Variants in SNX27 observed in about 807,000 individuals in gnomAD.
SNX27 encodes the protein sorting nexin 27, also known as sorting nexin-27.
SNX27 carries 22 observed loss-of-function variants against 71.6 expected under a neutral mutation model. The observed-to-expected ratio is 0.31, with a 90% CI of 0.22 to 0.44. SNX27 has a LOEUF of 0.44. Ranked by LOEUF, SNX27 falls within the 20% of genes least tolerant of loss-of-function variation. SNX27 has a pLI of 1.00. For synonymous variants in SNX27, 269 were observed against 277.2 expected (o/e 0.97, Z 0.29); for missense variants, 531 against 698.6 (o/e 0.76, Z 2.70).
At chr1:151,675,600 T>C (rs906790862) in intron 7 of SNX27, among the ~76,000 whole-genome samples, 3 of 151,820 alleles carry the variant, frequency 2.0e-5, no homozygotes, top group African/African-American at 4.8e-5. Context: ...TTGCTGGGGC[T>C]GGCCTGGGAC....
chr1:151,653,657 A>C (rs1001916010), intron 2 of SNX27, among the ~76,000 whole-genome samples: 7 of 151,908 alleles, frequency 4.6e-5, no homozygotes, highest in African/African-American at 1.7e-4. Flanking sequence ...AGCTGGGACC[A>C]CAAGCACACG....
At chr1:151,626,724 TAAATG>T (rs1260019105) in intron 1 of SNX27, among the ~76,000 whole-genome samples, 1 of 145,822 alleles carries the variant, frequency 6.9e-6, no homozygotes, top group Non-Finnish European at 1.5e-5. Context: ...AATAAATAAA[TAAATG>T]TAAAATGAAG....
chr1:151,646,601 A>G (rs1412958813), intron 2 of SNX27, among the ~76,000 whole-genome samples: 1 of 148,708 alleles, frequency 6.7e-6, no homozygotes, highest in Non-Finnish European at 1.5e-5. Context: ...GTATAGACAT[A>G]ATATATAGTA....
At chr1:151,628,119 G>A (rs1278979011) in intron 1 of SNX27, among the ~76,000 whole-genome samples, 1 of 151,108 alleles carries the variant, frequency 6.6e-6, no homozygotes, top group East Asian at 2.0e-4. Context: ...CGATTCTCCT[G>A]CCGCAGCCTC....
At chr1:151,622,256 T>G (rs945048216) in intron 1 of SNX27, among the ~76,000 whole-genome samples, 1 of 152,202 alleles carries the variant, frequency 6.6e-6, no homozygotes, top group African/African-American at 2.4e-5. Context: ...TGAAGGTATT[T>G]CAGCTGTTTT....
Position 151,694,551 on chromosome 1 carries a change from A to C in SNX27, c.*134A>C. 1.2e-6 allele frequency: 1 copy of C among 809,496 alleles called. No homozygotes were observed. The highest frequency in any genetic ancestry group is 1.8e-6 in the Non-Finnish European group (1 of 545,386). The allele number at this position is 809,496 out of a possible 1,614,324, so 50.1% of individuals were successfully genotyped here. Reference sequence around the variant, plus strand: ...GTTATATTCAAAAGCCCTAAACTAAATATTATTAATAACCCCCTCTGAATT... The same window carrying C: ...GTTATATTCAAAAGCCCTAAACTAACTATTATTAATAACCCCCTCTGAATT... On this transcript the variant is annotated 3_prime_UTR_variant, in exon 12 of 12. Transcript: ENST00000458013.
rs936097380 is a variant in SNX27, at chr1:151,699,053, T to C, written c.*4636T>C. ...GTGTAATTAATTGTAACATATTCTT[T>C]TAAATAAATTGATTTATTGATCAAA... is the stretch of plus-strand genomic sequence containing the variant. On this transcript the variant is annotated 3_prime_UTR_variant, in exon 12 of 12. Coordinates refer to ENST00000458013, the MANE Select transcript of SNX27 (RefSeq NM_001330723.2). The C allele has an allele frequency of 2.0e-5, 3 of 152,674 alleles. No homozygotes were observed. Among genetic ancestry groups the C allele is most frequent in the Admixed American group, 2.0e-4 (3 of 15,284 alleles). The allele number at this position is 152,674 out of a possible 1,614,324, so 9.5% of individuals were successfully genotyped here.
At position 151,658,254 on chromosome 1, in the gene SNX27, C is replaced by T; in HGVS notation, c.563C>T (p.Ala188Val). ...EKFVVYNVYMAGRQLCSKRYR... is the reference protein window; with the variant it reads ...EKFVVYNVYMVGRQLCSKRYR... Reference sequence around the variant, plus strand: ...CACCAGGTATATAATGTTTACATGGCAGGGAGGCAGCTGTGTTCTAAGCGG... The same window carrying T: ...CACCAGGTATATAATGTTTACATGGTAGGGAGGCAGCTGTGTTCTAAGCGG... Residue 188 changes from alanine to valine, a missense_variant, in exon 3 of 12, where the codon GCA (alanine) becomes GTA (valine). Physicochemically the swap from Ala to Val is moderately conservative, Grantham distance 64. Coordinates refer to ENST00000458013, the MANE Select transcript of SNX27 (RefSeq NM_001330723.2). 2.5e-6 allele frequency: 4 copies of T among 1,610,350 alleles called. No individual in the cohort carries two copies. Among genetic ancestry groups the T allele is most frequent in the Non-Finnish European group, 3.4e-6 (4 of 1,178,672 alleles).
At chr1:151,694,205 T>G in intron 11 of SNX27, 165 bp from the exon 12 acceptor site, 1 of 1,381,732 alleles carries the variant, frequency 7.2e-7, no homozygotes, top group Non-Finnish European at 9.3e-7. Flanking sequence ...CAAGGTCCCT[T>G]CCGGCTCTAA....
intron 9 of SNX27, 50 bp downstream of exon 9, chr1:151,692,634 T>G (rs538192958): frequency 4.7e-5 from 74 of 1,583,652 alleles, no homozygotes; most frequent in Non-Finnish European, 6.2e-5. Flanking sequence ...GATACTTTGA[T>G]GCTCACTTGC....
rs1667230567 is a variant in SNX27, at chr1:151,612,608, C to G, written c.311+96C>G. 7 of 995,780 alleles carry G rather than the reference C, an allele frequency of 7.0e-6. No homozygotes were observed. The highest frequency in any genetic ancestry group is 7.9e-6 in the Non-Finnish European group (6 of 763,630). 61.7% of individuals were successfully genotyped at this position (995,780 alleles called of 1,614,324 possible). On this transcript the variant is annotated intron_variant, in intron 1 of 11. Transcript: ENST00000458013. This position sits in a 1 kb window ranked among gnomAD's most constrained non-coding sequence, Gnocchi z 5.2. ...TGTCACCCCCAGGCCGCACCTCCCC[C>G]GAGCTCCGAGCCGGCCTCCGGACCC...
chr1:151,644,158 C>G (rs758615592), intron 2 of SNX27, among the ~76,000 whole-genome samples: 1 of 152,232 alleles, frequency 6.6e-6, no homozygotes, highest in Non-Finnish European at 1.5e-5. Flanking sequence ...GTCTGCTCTA[C>G]TTTTAGGATG....
At chr1:151,614,471 G>C (rs1667340924) in intron 1 of SNX27, 1 of 152,226 alleles carries the variant, frequency 6.6e-6, no homozygotes, top group South Asian at 2.1e-4. Context: ...TTACAGGCAT[G>C]TGTCATCATG....
intron 2 of SNX27, among the ~76,000 whole-genome samples, chr1:151,657,502 G>T (rs1238588826): frequency 6.6e-6 from 1 of 152,046 alleles, no homozygotes. Flanking sequence ...CTTTTCTTTG[G>T]AATCAACTTT....
rs529966476 is a variant in SNX27 at position 151,665,938 on chromosome 1, C to G, written c.912C>G (p.Ile304Met). The G allele has an allele frequency of 7.5e-6, 12 of 1,597,826 alleles. No homozygotes were observed. The South Asian group carries it at 1.4e-4, about 18-fold the overall frequency. The change falls in exon 6 of 12, where the codon ATC (isoleucine) becomes ATG (methionine). Residue 304 changes from isoleucine (I) to methionine (M), a missense_variant. Coordinates refer to ENST00000458013, the MANE Select transcript of SNX27 (RefSeq NM_001330723.2). ...NSTTDQVYQAIAAKVGMDSTT... is the reference protein window; with the variant it reads ...NSTTDQVYQAMAAKVGMDSTT... ...TCTATCCTGTTTAACCTTAGGCTAT[C>G]GCAGCAAAGGTTGGCATGGACAGTA...
At chr1:151,635,688 G>A (rs1017077259) in intron 1 of SNX27, among the ~76,000 whole-genome samples, 3 of 152,142 alleles carry the variant, frequency 2.0e-5, no homozygotes, top group African/African-American at 7.2e-5. Context: ...TTCCCACTTT[G>A]TAGTAAGTCA....
intron 8 of SNX27, among the ~76,000 whole-genome samples, chr1:151,689,599 C>A (rs187936123): frequency 1.3e-5 from 2 of 152,204 alleles, no homozygotes; most frequent in Non-Finnish European, 2.9e-5. Flanking sequence ...TACCTCTCAA[C>A]GAAGAGAACT....
intron 2 of SNX27, among the ~76,000 whole-genome samples, chr1:151,644,854 A>T (rs1668963013): frequency 6.6e-6 from 1 of 152,090 alleles, no homozygotes; most frequent in African/African-American, 2.4e-5. Context: ...GCTGGAGTGC[A>T]GTGGCGCAAT....
intron 2 of SNX27, among the ~76,000 whole-genome samples, chr1:151,657,106 T>G (rs1313589466): frequency 1.3e-4 from 20 of 152,188 alleles, no homozygotes; most frequent in Non-Finnish European, 2.9e-5. Flanking sequence ...TTCAAGATCT[T>G]AGCTTAGCTT....
Sources: allele counts gnomAD v4.1 joint callset (sites outside exome capture counted in the v4.1 genomes callset), GRCh38; gene constraint gnomAD v4.1.1; non-coding constraint Gnocchi (gnomAD v3.1); transcripts MANE v1.5; gene names NCBI Gene and HGNC (gene_info 2026-07-23, HGNC 2026-07-21).